Variants in SPMIP2 observed in about 807,000 individuals in gnomAD.
SPMIP2 encodes sperm microtubule inner protein 2, also known as protein SPMIP2.
At chr4:158,941,517 G>A in the SPMIP2 span, among the ~76,000 whole-genome samples, 1 of 152,120 alleles carries the variant, frequency 6.6e-6, no homozygotes, top group African/African-American at 2.4e-5. Context: ...AAATTAGCTG[G>A]CTGTGGTGGT....
the SPMIP2 span, among the ~76,000 whole-genome samples, chr4:158,911,383 TAAAA>T: frequency 1.3e-5 from 1 of 76,396 alleles, no homozygotes; most frequent in South Asian, 3.4e-4. Flanking sequence ...AATAAATAAA[TAAAA>T]TAAATAAAAG....
chr4:158,983,189 T>C, the SPMIP2 span, among the ~76,000 whole-genome samples: 8 of 152,070 alleles, frequency 5.3e-5, no homozygotes, highest in Admixed American at 5.2e-4. Flanking sequence ...GTCTGATTGG[T>C]GTACCTGAAA....
the SPMIP2 span, among the ~76,000 whole-genome samples, chr4:158,995,111 T>G: frequency 2.6e-5 from 4 of 152,320 alleles, no homozygotes; most frequent in South Asian, 8.3e-4. Context: ...AAAGACAAAG[T>G]CTTGCTGTGT....
chr4:158,922,629 T>C, the SPMIP2 span, among the ~76,000 whole-genome samples: 1 of 152,220 alleles, frequency 6.6e-6, no homozygotes, highest in Non-Finnish European at 1.5e-5. Context: ...TCCACAGATA[T>C]TTAAGTGAAC....
chr4:159,053,978 A>G, the SPMIP2 span, among the ~76,000 whole-genome samples: 3 of 151,988 alleles, frequency 2.0e-5, no homozygotes, highest in Admixed American at 2.0e-4. Flanking sequence ...GATTTCAGCA[A>G]TTCATTTTTT....
chr4:158,989,450 T>C, the SPMIP2 span, among the ~76,000 whole-genome samples: 8 of 152,138 alleles, frequency 5.3e-5, no homozygotes, highest in African/African-American at 1.7e-4. Context: ...AGAATAAAGC[T>C]GGAGGCATCA....
chr4:158,970,909 ATCACTGTGTGATTGGT>A, the SPMIP2 span, among the ~76,000 whole-genome samples: 5 of 152,078 alleles, frequency 3.3e-5, no homozygotes, highest in African/African-American at 9.7e-5. Context: ...GGGGAAGAAA[ATCACTGTGTGATTGGT>A]TCACTGTGAG....
At chr4:158,943,442 T>C in the SPMIP2 span, among the ~76,000 whole-genome samples, 29 of 152,208 alleles carry the variant, frequency 1.9e-4, no homozygotes, top group Admixed American at 1.9e-3. Flanking sequence ...AGACCCCTGC[T>C]CACTTCTCAT....
the SPMIP2 span, among the ~76,000 whole-genome samples, chr4:159,029,088 C>G: frequency 6.6e-6 from 1 of 152,186 alleles, no homozygotes; most frequent in African/African-American, 2.4e-5. Context: ...GAGCAAGACT[C>G]TGTCTCAAAA....
the SPMIP2 span, among the ~76,000 whole-genome samples, chr4:158,897,659 C>G: frequency 1.3e-5 from 2 of 152,120 alleles, no homozygotes; most frequent in Non-Finnish European, 2.9e-5. Flanking sequence ...AGTGTCTGTT[C>G]ATATCCTTCA....
chr4:158,922,566 C>T, the SPMIP2 span, among the ~76,000 whole-genome samples: 1 of 152,162 alleles, frequency 6.6e-6, no homozygotes. Flanking sequence ...TCATATCATT[C>T]AATCATGTTT....
At chr4:158,998,562 A>C in the SPMIP2 span, among the ~76,000 whole-genome samples, 2 of 152,262 alleles carry the variant, frequency 1.3e-5, no homozygotes, top group East Asian at 1.9e-4. Flanking sequence ...CCTTTGTGTT[A>C]ATTGGTTTTC....
chr4:158,942,901 C>T, the SPMIP2 span, among the ~76,000 whole-genome samples: 13 of 152,224 alleles, frequency 8.5e-5, no homozygotes, highest in Non-Finnish European at 2.9e-5. Context: ...GTATTCTCCC[C>T]ACCAACCAGA....
the SPMIP2 span, among the ~76,000 whole-genome samples, chr4:158,958,985 A>G: frequency 6.6e-6 from 1 of 152,232 alleles, no homozygotes; most frequent in Non-Finnish European, 1.5e-5. Context: ...TTTTCTTCAC[A>G]TATACACCCA....
the SPMIP2 span, among the ~76,000 whole-genome samples, chr4:158,926,402 A>G: frequency 1.3e-5 from 2 of 151,962 alleles, no homozygotes. Context: ...TTATCTCAAA[A>G]TATTTTCTAA....
chr4:159,035,013 C>T, the SPMIP2 span: 5 of 1,600,564 alleles, frequency 3.1e-6, no homozygotes, highest in Non-Finnish European at 4.3e-6. Flanking sequence ...CTTGTGAAAG[C>T]AAACACAAAA....
the SPMIP2 span, among the ~76,000 whole-genome samples, chr4:159,039,878 G>A: frequency 6.6e-6 from 1 of 152,168 alleles, no homozygotes; most frequent in Non-Finnish European, 1.5e-5. Flanking sequence ...CCCTGTAAAA[G>A]TATCTTGTTT....
the SPMIP2 span, among the ~76,000 whole-genome samples, chr4:158,926,802 A>G: frequency 2.0e-5 from 3 of 152,222 alleles, no homozygotes; most frequent in African/African-American, 7.2e-5. Context: ...GAGCTAAACA[A>G]TGAATACACA....
chr4:159,016,547 T>G, the SPMIP2 span, among the ~76,000 whole-genome samples: 1 of 152,160 alleles, frequency 6.6e-6, no homozygotes, highest in Non-Finnish European at 1.5e-5. Flanking sequence ...GGGGATTAAG[T>G]TGGTTATTTA....
Sources: gnomAD v4.1 joint callset for allele counts (sites outside exome capture counted in the v4.1 genomes callset) on GRCh38, gnomAD v4.1.1 for gene constraint, MANE v1.5 for transcripts, NCBI Gene and HGNC (gene_info 2026-07-23, HGNC 2026-07-21) for gene names.